The following SPAG1 variants were observed in gnomAD, a reference collection of about 807,000 sequenced individuals.
SPAG1 encodes sperm-associated antigen 1.
In SPAG1, 69 loss-of-function variants were observed where a neutral mutation model predicts 100.5. The observed-to-expected ratio is 0.69, with a 90% CI of 0.57 to 0.84. The LOEUF (loss-of-function observed/expected upper bound fraction) is 0.84. Ranked by LOEUF, SPAG1 falls within the 40% of genes least tolerant of loss-of-function variation. The pLI is 0.00. For synonymous variants in SPAG1, 336 were observed against 411.6 expected (o/e 0.82, Z 2.22); for missense variants, 955 against 1,133.1 (o/e 0.84, Z 2.26).
intron 6 of SPAG1, among the ~76,000 whole-genome samples, 186 bp from the exon 7 acceptor site, chr8:100,184,442 C>G (rs184541670): frequency 4.3e-4 from 65 of 152,088 alleles, no homozygotes; most frequent in African/African-American, 1.5e-3. Flanking sequence ...ATTCTGAATC[C>G]TCAAAACTTG....
chr8:100,240,969 A>G lies in SPAG1; in HGVS notation c.2728A>G (p.Asn910Asp). ...LFEDLSDTPNNHFTLEDIQAL... is the reference protein window; with the variant it reads ...LFEDLSDTPNDHFTLEDIQAL... Reference sequence around the variant, plus strand: ...TGAGGACCTTTCGGACACACCAAACAACCATTTTACTTTAGAAGATATACA... The same window carrying G: ...TGAGGACCTTTCGGACACACCAAACGACCATTTTACTTTAGAAGATATACA... The change falls in exon 19 of 19, where the codon AAC becomes GAC. Residue 910 changes from asparagine to aspartate, a missense_variant. Transcript: ENST00000388798. 1 of 1,613,750 alleles carries G rather than the reference A, an allele frequency of 6.2e-7. No individual in the cohort carries two copies. Among genetic ancestry groups the G allele is most frequent in the Non-Finnish European group, 8.5e-7 (1 of 1,179,852 alleles).
Position 100,177,833 on chromosome 8 carries a change from TA to T in SPAG1, c.324del (p.Glu109LysfsTer16). ...ATTCTCAGAGTTGGGTATCAGAAAT[TA>T]AAAAAGAAGAAGATAAAATGCACTT... ...GDIKSWVSEIKKEEDKMHFHE... is the reference protein window; with the variant it reads ...GDIKSWVSEIXKEEDKMHFHE... On this transcript the variant is annotated frameshift_variant, in exon 4 of 19. Coordinates refer to ENST00000388798, the MANE Select transcript of SPAG1 (RefSeq NM_003114.5). LOFTEE classifies it high-confidence loss of function. 6.5e-7 allele frequency: 1 copy of T among 1,532,758 alleles called. No homozygotes were observed. Among genetic ancestry groups the T allele is most frequent in the Non-Finnish European group, 9.0e-7 (1 of 1,107,432 alleles). 94.9% of individuals were successfully genotyped at this position (1,532,758 alleles called of 1,614,324 possible).
At chr8:100,191,301 G>C in intron 8 of SPAG1, 89 bp from the exon 9 acceptor site, 1 of 814,898 alleles carries the variant, frequency 1.2e-6, no homozygotes, top group Non-Finnish European at 2.0e-6. Context: ...AAAGTATTCT[G>C]TGCTGCTCAT....
chr8:100,162,501 A>G (rs1815355948), intron 2 of SPAG1, 81 bp downstream of exon 2: 3 of 1,169,178 alleles, frequency 2.6e-6, no homozygotes, highest in Non-Finnish European at 2.4e-6. Context: ...TAAAAGCTAC[A>G]TTAGAAATAT....
rs749219410 is a variant in SPAG1 at position 100,183,455 on chromosome 8, T to C, written c.488+19T>C. On this transcript the variant is annotated intron_variant, in intron 5 of 18. Coordinates refer to ENST00000388798, the MANE Select transcript of SPAG1 (RefSeq NM_003114.5). ...GGGATAAGTATGTTTTACATGTCTT[T>C]ATATAAAATGTATCACTAAAAAAGT... The C allele has an allele frequency of 1.0e-4, 131 of 1,296,660 alleles. No homozygotes were observed. The highest frequency in any genetic ancestry group is 1.3e-4 in the Non-Finnish European group (120 of 919,142). 80.3% of individuals were successfully genotyped at this position (1,296,660 alleles called of 1,614,324 possible).
chr8:100,214,436 C>T (rs1409200399), intron 12 of SPAG1, among the ~76,000 whole-genome samples: 1 of 152,164 alleles, frequency 6.6e-6, no homozygotes, highest in Non-Finnish European at 1.5e-5. Context: ...CTTTGCACAT[C>T]TTATCTTCTG....
intron 17 of SPAG1, 118 bp from the exon 18 acceptor site, chr8:100,240,285 A>G (rs1819198627): frequency 2.3e-6 from 2 of 886,192 alleles, no homozygotes; most frequent in South Asian, 2.5e-5. Context: ...TTTCACTTGG[A>G]ACTGGACTAC....
intron 10 of SPAG1, among the ~76,000 whole-genome samples, chr8:100,195,481 G>A (rs1303281666): frequency 1.3e-5 from 2 of 152,040 alleles, no homozygotes; most frequent in African/African-American, 4.8e-5. Flanking sequence ...GAAAGGGAGG[G>A]AGCGAGAAAG....
At chr8:100,161,899 G>C in intron 1 of SPAG1, among the ~76,000 whole-genome samples, 1 of 152,224 alleles carries the variant, frequency 6.6e-6, no homozygotes, top group Non-Finnish European at 1.5e-5. Flanking sequence ...TTGTAATTTT[G>C]AGTTGGTCTG....
rs181191493 is a variant in SPAG1, at chr8:100,173,268, A to G, written c.301-4548A>G. 4.1e-4 allele frequency among the ~76,000 whole-genome samples: 62 copies of G among 151,738 alleles called. No homozygotes were observed. In the East Asian group the frequency reaches 0.011, roughly 27 times the overall value. On this transcript the variant is annotated intron_variant, in intron 3 of 18. Transcript: ENST00000388798. The stretch of plus-strand genomic sequence containing the variant: ...GGCTGGTCTAGAACTCTTGTTGGCC[A>G]CTTTGCAAGTTAGTCTCCTTCTCAC...
intron 7 of SPAG1, 86 bp from the exon 8 acceptor site, chr8:100,187,034 G>T: frequency 7.4e-7 from 1 of 1,355,502 alleles, no homozygotes; most frequent in Non-Finnish European, 1.0e-6. Context: ...GGTTATAATT[G>T]TTTTATGTAT....
At chr8:100,217,978 G>A (rs1156336020) in intron 12 of SPAG1, among the ~76,000 whole-genome samples, 1 of 152,022 alleles carries the variant, frequency 6.6e-6, no homozygotes, top group Non-Finnish European at 1.5e-5. Flanking sequence ...AGTAGAAACA[G>A]GGTTTTGCCA....
rs1817403666 is a variant in SPAG1, at chr8:100,204,136, C to T, written c.1097-8954C>T. Among the ~76,000 whole-genome samples, 2 of 152,146 alleles carry T rather than the reference C, an allele frequency of 1.3e-5. 1 individual carries two copies. Among genetic ancestry groups the T allele is most frequent in the Admixed American group, 1.3e-4 (2 of 15,288 alleles). On this transcript the variant is annotated intron_variant, in intron 10 of 18. Coordinates refer to ENST00000388798, the MANE Select transcript of SPAG1 (RefSeq NM_003114.5). The stretch of plus-strand genomic sequence containing the variant: ...TCCACCTTTGTCTGAGGAGATAAAT[C>T]CTGCACTGCCTGACGCAACAGTGAT...
chr8:100,194,277 T>C lies in SPAG1; in HGVS notation c.1096+9T>C. On this transcript the variant is annotated intron_variant, in intron 10 of 18. Transcript: ENST00000388798. ...TGGCGGTGGAGATAAGAGTAAAATATTTTTTCTATTTAGGTTATGTAAAAA... is the reference window on the plus strand; with the variant it reads ...TGGCGGTGGAGATAAGAGTAAAATACTTTTTCTATTTAGGTTATGTAAAAA... 6.2e-7 allele frequency: 1 copy of C among 1,605,202 alleles called. No individual in the cohort carries two copies. Among genetic ancestry groups the C allele is most frequent in the Non-Finnish European group, 8.5e-7 (1 of 1,173,942 alleles).
rs1013278302 is a variant in SPAG1, at chr8:100,185,280, G to A, written c.701+547G>A. Reference sequence around the variant, plus strand: ...TTAAGAAAAAAAATGCTCTTCCCTCGTTCCATTATCTAGTTAATTCTGATT... The same window carrying A: ...TTAAGAAAAAAAATGCTCTTCCCTCATTCCATTATCTAGTTAATTCTGATT... On this transcript the variant is annotated intron_variant, in intron 7 of 18. Coordinates refer to ENST00000388798, the MANE Select transcript of SPAG1 (RefSeq NM_003114.5). 2.4e-4 allele frequency: 36 copies of A among 152,248 alleles called. 1 individual carries two copies. The highest frequency in any genetic ancestry group is 2.1e-4 in the South Asian group (1 of 4,832). 9.4% of individuals were successfully genotyped at this position (152,248 alleles called of 1,614,324 possible).
chr8:100,185,628 C>G (rs1816552054), intron 7 of SPAG1, among the ~76,000 whole-genome samples: 1 of 152,200 alleles, frequency 6.6e-6, no homozygotes, highest in Non-Finnish European at 1.5e-5. Context: ...AAGTTCTTAA[C>G]AGCCTATGAA....
chr8:100,170,864 T>C (rs1475232866), intron 3 of SPAG1, among the ~76,000 whole-genome samples: 1 of 151,226 alleles, frequency 6.6e-6, no homozygotes, highest in East Asian at 1.9e-4. Flanking sequence ...TTACTTGCTT[T>C]ATTGAACTGG....
intron 3 of SPAG1, among the ~76,000 whole-genome samples, chr8:100,167,863 C>T (rs1815635392): frequency 6.6e-6 from 1 of 152,182 alleles, no homozygotes; most frequent in South Asian, 2.1e-4. Flanking sequence ...ACTGAACTGT[C>T]AGCATAGTTT....
intron 13 of SPAG1, among the ~76,000 whole-genome samples, chr8:100,221,678 C>T (rs1046300829): frequency 2.0e-5 from 3 of 152,116 alleles, no homozygotes; most frequent in Non-Finnish European, 2.9e-5. Context: ...TCTCCAGGCT[C>T]GGGGAAGGGG....
Sources: gnomAD v4.1 joint callset for allele counts (sites outside exome capture counted in the v4.1 genomes callset) on GRCh38, gnomAD v4.1.1 for gene constraint, MANE v1.5 for transcripts, NCBI Gene and HGNC (gene_info 2026-07-23, HGNC 2026-07-21) for gene names.